ARHGEF11: variants seen among roughly 807,000 people sequenced by gnomAD.
ARHGEF11 encodes Rho guanine exchange factor (GEF) 11.
ARHGEF11 carries 55 observed loss-of-function variants against 193.7 expected under a neutral mutation model. The observed-to-expected ratio is 0.28, with a 90% confidence interval of 0.23 to 0.36. The LOEUF is 0.36. ARHGEF11 is among the 10% of genes least tolerant of loss of function. The pLI, the probability that ARHGEF11 is intolerant of heterozygous loss-of-function variation, is 1.00. For missense variants in ARHGEF11, 1,723 were observed against 2,005.6 expected (o/e 0.86, Z 2.69); for synonymous variants, 693 against 768.0 (o/e 0.90, Z 1.62).
Position 156,963,579 on chromosome 1 carries a change from G to A in ARHGEF11, c.979C>T (p.Pro327Ser). The A allele has an allele frequency of 6.7e-7, 1 of 1,500,950 alleles. No homozygotes were observed. Among genetic ancestry groups the A allele is most frequent in the Non-Finnish European group, 8.9e-7 (1 of 1,121,316 alleles). The allele number at this position is 1,500,950 out of a possible 1,614,324, so 93.0% of individuals were successfully genotyped here. ...TCTGGGCCAATAATTAAAGGCTTTG[G>A]GCTTTGATCTACACCCTGGGGGAGA... ...STGDQGVDQS[P>S]KPLIIGPEED... Residue 327 changes from proline (P) to serine (S), a missense_variant, in exon 12 of 41, where the codon CCA becomes TCA. This residue lies in a region of ARHGEF11 where 646 missense variants were observed against 710.7 expected (regional missense o/e 0.91). Transcript: ENST00000368194.
At chr1:156,968,217 T>C (rs959629965) in intron 10 of ARHGEF11, 93 bp from the exon 11 acceptor site, 48 of 1,395,726 alleles carry the variant, frequency 3.4e-5, no homozygotes, top group Non-Finnish European at 4.2e-5. Context: ...ACCATACTTA[T>C]AACATCAGCT....
At chr1:156,939,221 G>T in intron 37 of ARHGEF11, 1 of 333,466 alleles carries the variant, frequency 3.0e-6, no homozygotes, top group Non-Finnish European at 5.6e-6. Flanking sequence ...GATCAGTGAG[G>T]AGCACTAACA....
chr1:156,960,941 T>C (rs1660743166), intron 14 of ARHGEF11, among the ~76,000 whole-genome samples: 1 of 152,182 alleles, frequency 6.6e-6, no homozygotes. Flanking sequence ...AAAGGTTCCA[T>C]AACAACCAAC....
intron 37 of ARHGEF11, chr1:156,939,261 A>C: frequency 2.4e-6 from 1 of 418,834 alleles, no homozygotes; most frequent in Non-Finnish European, 4.4e-6. Context: ...GGTTTGTGCC[A>C]GGCAGAAAGA....
chr1:157,013,152 C>A (rs1668747200), intron 1 of ARHGEF11, among the ~76,000 whole-genome samples: 1 of 151,946 alleles, frequency 6.6e-6, no homozygotes, highest in Non-Finnish European at 1.5e-5. Flanking sequence ...GACCTCTAGC[C>A]ACTATTGCTC....
rs61801969 is a variant in ARHGEF11 at position 156,997,685 on chromosome 1, A to T, written c.33-11512T>A. On this transcript the variant is annotated intron_variant, in intron 1 of 40. Coordinates refer to ENST00000368194, the MANE Select transcript of ARHGEF11 (RefSeq NM_198236.3). ...GTCACATGTGGCTAAGAGCACCAGA[A>T]ATGTGGCTGGCTCAAATTGAAATAC... is the stretch of plus-strand genomic sequence containing the variant. Among the ~76,000 whole-genome samples, 1,490 of 152,282 alleles carry T rather than the reference A, an allele frequency of 9.8e-3. 12 individuals carry two copies. The highest frequency in any genetic ancestry group is 0.03 in the South Asian group (143 of 4,814).
At chr1:157,034,233 C>G (rs1386308588) in intron 1 of ARHGEF11, among the ~76,000 whole-genome samples, 1 of 152,214 alleles carries the variant, frequency 6.6e-6, no homozygotes, top group Non-Finnish European at 1.5e-5. Flanking sequence ...CACCTCCCCC[C>G]AGAACAACAG....
Position 156,971,643 on chromosome 1 carries a change from TA to T in ARHGEF11, c.702+53del, listed in dbSNP as rs1022367405. 101 of 1,572,974 alleles carry T rather than the reference TA, an allele frequency of 6.4e-5. 1 individual carries two copies. Among genetic ancestry groups the T allele is most frequent in the Non-Finnish European group, 6.7e-5 (77 of 1,152,016 alleles). On this transcript the variant is annotated intron_variant, in intron 8 of 40. Transcript: ENST00000368194. ...TCTGTCCTTGCTTTTTCCCTCACTC[TA>T]CCCCCAGTTCTACTGCATGTGCCCT...
chr1:156,948,090 C>A lies in ARHGEF11; in HGVS notation c.2153+91G>T. The A allele has an allele frequency of 6.5e-7, 1 of 1,535,482 alleles. No homozygotes were observed. Among genetic ancestry groups the A allele is most frequent in the Non-Finnish European group, 8.8e-7 (1 of 1,136,518 alleles). ...GTGGGCCCAGAAGAGGAGACAGCCA[C>A]CCAACCAGCCCCTTGCAGGTGAGAG... On this transcript the variant is annotated intron_variant, in intron 24 of 40. Coordinates refer to ENST00000368194, the MANE Select transcript of ARHGEF11 (RefSeq NM_198236.3). The surrounding 1 kb of genome is among the most constrained non-coding windows in gnomAD (Gnocchi z 4.2).
rs141515435 is a variant in ARHGEF11, at chr1:157,027,683, G to A, written c.32+16616C>T. On this transcript the variant is annotated intron_variant, in intron 1 of 40. Transcript: ENST00000368194. Reference sequence around the variant, plus strand: ...TGCAACAGTAGTTCCCATCCCTGATGCTCTTTCACAGCCTTGCCACTGCCC... The same window carrying A: ...TGCAACAGTAGTTCCCATCCCTGATACTCTTTCACAGCCTTGCCACTGCCC... Among the ~76,000 whole-genome samples the A allele has an allele frequency of 4.8e-3, 733 of 152,238 alleles. 9 individuals are homozygous for A. Among genetic ancestry groups the A allele is most frequent in the African/African-American group, 0.017 (708 of 41,534 alleles).
At chr1:157,000,170 C>T (rs907316470) in intron 1 of ARHGEF11, among the ~76,000 whole-genome samples, 1 of 152,158 alleles carries the variant, frequency 6.6e-6, no homozygotes, top group African/African-American at 2.4e-5. Context: ...GCCATGTGGG[C>T]CAGGCTGGTC....
rs781726356 is a variant in ARHGEF11, at chr1:156,946,088, G to C, written c.2769C>G (p.Thr923=). 1.2e-6 allele frequency: 2 copies of C among 1,613,652 alleles called. No homozygotes were observed. The highest frequency in any genetic ancestry group is 1.3e-5 in the African/African-American group (1 of 75,032). The change falls in exon 29 of 41, where the codon ACC becomes ACG. Residue 923 remains threonine (T), a synonymous_variant. Transcript: ENST00000368194. ...DLIISEMQRL[T]KYPLLLESII... is the part of the protein sequence containing the mutation. Reference sequence around the variant, plus strand: ...TGCTCTCCAGCAGCAGCGGGTACTTGGTGAGCCGCTGCATCTCAGAGATGA... The same window carrying C: ...TGCTCTCCAGCAGCAGCGGGTACTTCGTGAGCCGCTGCATCTCAGAGATGA...
At position 156,935,817 on chromosome 1, in the gene ARHGEF11, T is replaced by C; in HGVS notation, c.*183A>G. 4 of 646,860 alleles carry C rather than the reference T, an allele frequency of 6.2e-6. No homozygotes were observed. Among genetic ancestry groups the C allele is most frequent in the Non-Finnish European group, 7.9e-6 (3 of 379,956 alleles). 40.1% of individuals were successfully genotyped at this position (646,860 alleles called of 1,614,324 possible). On this transcript the variant is annotated 3_prime_UTR_variant, in exon 41 of 41. Transcript: ENST00000368194. ...AAGGGAGGGAAAAGACACTGAAACC[T>C]GACTCCGACTTGAGCAGACCAAGCA... is the stretch of plus-strand genomic sequence containing the variant.
At position 156,970,002 on chromosome 1, in the gene ARHGEF11, T is replaced by C. The variant is rs1386707209; in HGVS notation, c.744A>G (p.Ser248=). ...PLYGDTSQRP[S]EGRLSLDSQE... ...AAGGGGTGATGGGGGACTTACCTTCTGATGGTCTCTGGCTGGTGTCACCAT... is the reference window on the plus strand; with the variant it reads ...AAGGGGTGATGGGGGACTTACCTTCCGATGGTCTCTGGCTGGTGTCACCAT... Residue 248 remains serine (S), a synonymous_variant, in exon 9 of 41, where the codon TCA becomes TCG. Transcript: ENST00000368194. The C allele has an allele frequency of 1.2e-6, 2 of 1,614,046 alleles. No homozygotes were observed. Among genetic ancestry groups the C allele is most frequent in the African/African-American group, 2.7e-5 (2 of 75,058 alleles).
At chr1:156,961,162 C>A (rs192088433) in intron 14 of ARHGEF11, among the ~76,000 whole-genome samples, 3 of 152,338 alleles carry the variant, frequency 2.0e-5, no homozygotes, top group African/African-American at 7.2e-5. Flanking sequence ...CTCTTGCCAG[C>A]GGGATCCCTG....
At chr1:156,957,066 G>C (rs1571236542) in intron 18 of ARHGEF11, among the ~76,000 whole-genome samples, 3 of 152,254 alleles carry the variant, frequency 2.0e-5, no homozygotes, top group South Asian at 4.1e-4. Context: ...CAGAGAAAAA[G>C]AGATGGAAAA....
At chr1:156,945,231 C>T in intron 29 of ARHGEF11, 34 bp from the exon 30 acceptor site, 2 of 1,599,786 alleles carry the variant, frequency 1.3e-6, no homozygotes, top group Non-Finnish European at 1.7e-6. Flanking sequence ...GGTTGGGGCT[C>T]CTGCCTGAGA....
intron 1 of ARHGEF11, among the ~76,000 whole-genome samples, chr1:157,003,202 T>C (rs528609023): frequency 1.3e-5 from 2 of 152,344 alleles, no homozygotes; most frequent in Non-Finnish European, 2.9e-5. Context: ...CTTGCTTGAT[T>C]TCATGCATCC....
chr1:157,046,032 C>T (rs1169344987), upstream of ARHGEF11, among the ~76,000 whole-genome samples: 1 of 151,244 alleles, frequency 6.6e-6, no homozygotes, highest in Admixed American at 6.6e-5. Flanking sequence ...ACCGGCCCGC[C>T]CCTGTCCCGG....
Sources: allele counts gnomAD v4.1 joint callset (sites outside exome capture counted in the v4.1 genomes callset), GRCh38; gene constraint gnomAD v4.1.1; regional missense constraint gnomAD v4.1.1; non-coding constraint Gnocchi (gnomAD v3.1); transcripts MANE v1.5; gene names NCBI Gene and HGNC (gene_info 2026-07-23, HGNC 2026-07-21).